ZER1: variants seen among roughly 807,000 people sequenced by gnomAD.
ZER1 encodes the protein zyg-11 related cell cycle regulator.
A neutral mutation model predicts 78.8 loss-of-function variants in ZER1; 11 were observed. The observed-to-expected ratio is 0.14, with a 90% CI of 0.09 to 0.23. The LOEUF (loss-of-function observed/expected upper bound fraction) is 0.23. Among genes scored for constraint, ZER1 ranks in the 10% least tolerant of loss-of-function variants. The pLI, the probability that ZER1 is intolerant of heterozygous loss-of-function variation, is 1.00. For synonymous variants in ZER1, 400 were observed against 407.0 expected (o/e 0.98, Z 0.21); for missense variants, 588 against 996.9 (o/e 0.59, Z 5.52).
chr9:128,767,536 C>T (rs1362331943), intron 1 of ZER1, among the ~76,000 whole-genome samples: 1 of 152,158 alleles, frequency 6.6e-6, no homozygotes, highest in Non-Finnish European at 1.5e-5. Context: ...TGAGCCACCG[C>T]ACCCAGCTGC....
At chr9:128,772,031 G>C (rs941294178), upstream of ZER1, 1 of 152,254 alleles carries the variant, frequency 6.6e-6, no homozygotes, top group African/African-American at 2.4e-5. Flanking sequence ...TCCGGGGACC[G>C]GCGGGCGGCT....
chr9:128,760,925 C>T (rs1196061788), intron 1 of ZER1, among the ~76,000 whole-genome samples: 2 of 151,936 alleles, frequency 1.3e-5, no homozygotes, highest in South Asian at 4.2e-4. Context: ...TTTGGGAGGC[C>T]GAGGCAGGCG....
intron 8 of ZER1, among the ~76,000 whole-genome samples, chr9:128,743,723 GCTTT>G (rs1267393189): frequency 1.3e-5 from 2 of 150,774 alleles, no homozygotes; most frequent in African/African-American, 2.4e-5. Context: ...CCTGGCCCCT[GCTTT>G]CTTTAATTTT....
intron 8 of ZER1, among the ~76,000 whole-genome samples, chr9:128,749,739 T>C (rs1362648726): frequency 6.8e-6 from 1 of 146,218 alleles, no homozygotes; most frequent in Non-Finnish European, 1.5e-5. Context: ...CAAGACTCCA[T>C]CTGAAAAAAA....
rs1251302747 is a variant in ZER1 at position 128,734,178 on chromosome 9, A to G, written c.2141-650T>C. On this transcript the variant is annotated intron_variant, in intron 14 of 15. Coordinates refer to ENST00000291900, the MANE Select transcript of ZER1 (RefSeq NM_006336.4). ...ATATATATATAAAATCTTAAAAAAA[A>G]TATATATATATATATAATAGATATA... Among the ~76,000 whole-genome samples the G allele has an allele frequency of 3.2e-4, 27 of 84,030 alleles. 2 individuals carry two copies. The highest frequency in any genetic ancestry group is 7.6e-5 in the Non-Finnish European group (3 of 39,416). 55.1% of individuals were successfully genotyped at this position (84,030 alleles called of 152,430 possible). A position where few individuals can be genotyped will look rare whatever the true frequency, so the allele number is the denominator to read the frequency against.
intron 8 of ZER1, among the ~76,000 whole-genome samples, chr9:128,749,856 C>T (rs1428579743): frequency 6.6e-6 from 1 of 151,990 alleles, no homozygotes; most frequent in Non-Finnish European, 1.5e-5. Context: ...CCAGCCTGAC[C>T]AATATGGTAA....
Position 128,733,407 on chromosome 9 carries a change from C to T in ZER1, c.2243+19G>A, listed in dbSNP as rs1053395739. The T allele has an allele frequency of 1.9e-5, 31 of 1,611,832 alleles. No individual in the cohort carries two copies. Among genetic ancestry groups the T allele is most frequent in the Non-Finnish European group, 2.5e-5 (30 of 1,178,704 alleles). On this transcript the variant is annotated intron_variant, in intron 15 of 15. Coordinates refer to ENST00000291900, the MANE Select transcript of ZER1 (RefSeq NM_006336.4). ...CCTAAACCAAGGTTCCAGGCAGAAA[C>T]ACACTGCTGGTCTCTTACCGGGCCA...
chr9:128,731,782 C>A (rs991003005), intron 15 of ZER1, among the ~76,000 whole-genome samples: 3 of 152,222 alleles, frequency 2.0e-5, no homozygotes, highest in Non-Finnish European at 4.4e-5. Flanking sequence ...AGAAGTCCAC[C>A]AGTGGTCCCC....
rs776139243 is a variant in ZER1, at chr9:128,753,173, T to C, written c.737A>G (p.His246Arg). Reference protein sequence around the residue: ...DDHIRVIVQLHKLRHLDISRD... With the variant: ...DDHIRVIVQLRKLRHLDISRD... ...TGGGCCAGGAGCTCACCGCAGCTTG[T>C]GCAGCTGCACGATGACCCGGATGTG... Residue 246 changes from histidine (H) to arginine (R), a missense_variant, in exon 4 of 16, where the codon CAC becomes CGC. Around this residue, in one of 3 missense-constraint regions of ZER1, gnomAD observed 406 missense variants for 660.1 expected, o/e 0.62. Coordinates refer to ENST00000291900, the MANE Select transcript of ZER1 (RefSeq NM_006336.4). The surrounding 1 kb of genome is among the most constrained non-coding windows in gnomAD (Gnocchi z 7.5). 3.9e-6 allele frequency: 6 copies of C among 1,544,232 alleles called. No homozygotes were observed. The highest frequency in any genetic ancestry group is 5.3e-6 in the Non-Finnish European group (6 of 1,142,608).
chr9:128,772,100 G>C (rs1056907557), upstream of ZER1, among the ~76,000 whole-genome samples: 1 of 152,208 alleles, frequency 6.6e-6, no homozygotes, highest in African/African-American at 2.4e-5. Flanking sequence ...GCCCCCCCCA[G>C]GCCACCCGAG....
intron 8 of ZER1, among the ~76,000 whole-genome samples, chr9:128,748,870 C>A (rs1293167461): frequency 6.6e-6 from 1 of 150,516 alleles, no homozygotes; most frequent in Non-Finnish European, 1.5e-5. Flanking sequence ...CCGTGGCCAG[C>A]TAATTTTTGT....
At chr9:128,762,712 C>T (rs1033490802) in intron 1 of ZER1, among the ~76,000 whole-genome samples, 1 of 152,214 alleles carries the variant, frequency 6.6e-6, no homozygotes, top group African/African-American at 2.4e-5. Flanking sequence ...CGGGCCTGTG[C>T]TCCCCGGCCT....
intron 1 of ZER1, among the ~76,000 whole-genome samples, chr9:128,768,899 C>T (rs1392083532): frequency 6.6e-6 from 1 of 152,146 alleles, no homozygotes; most frequent in Non-Finnish European, 1.5e-5. Context: ...TCAACACCCT[C>T]ATTTTGCCTA....
chr9:128,772,031 G>GGC (rs1438493704), upstream of ZER1: 1 of 152,254 alleles, frequency 6.6e-6, no homozygotes, highest in Non-Finnish European at 1.5e-5. Context: ...TCCGGGGACC[G>GGC]GCGGGCGGCT....
At chr9:128,760,348 G>A (rs1369425699) in intron 1 of ZER1, among the ~76,000 whole-genome samples, 2 of 151,588 alleles carry the variant, frequency 1.3e-5, no homozygotes, top group South Asian at 4.2e-4. Context: ...GACTACAGGC[G>A]TGTGCCACCA....
intron 1 of ZER1, among the ~76,000 whole-genome samples, chr9:128,758,691 C>T (rs371405020): frequency 2.0e-5 from 3 of 150,466 alleles, no homozygotes. Flanking sequence ...CTGCTTACCC[C>T]CGCCTCCCAA....
intron 9 of ZER1, among the ~76,000 whole-genome samples, chr9:128,742,055 C>T (rs1465232704): frequency 6.6e-6 from 1 of 152,224 alleles, no homozygotes; most frequent in Non-Finnish European, 1.5e-5. Flanking sequence ...GTTCCTGGCC[C>T]TCGGGTGACT....
intron 14 of ZER1, among the ~76,000 whole-genome samples, chr9:128,734,358 A>C (rs1056208826): frequency 1.3e-5 from 2 of 149,082 alleles, no homozygotes; most frequent in Admixed American, 6.8e-5. Flanking sequence ...CATCAAGCCC[A>C]GCTAATTTTT....
At chr9:128,747,171 C>A (rs564879993) in intron 8 of ZER1, among the ~76,000 whole-genome samples, 1 of 151,968 alleles carries the variant, frequency 6.6e-6, no homozygotes, top group Non-Finnish European at 1.5e-5. Flanking sequence ...TACACTCCAG[C>A]CTGAGCAACA....
Sources: allele counts gnomAD v4.1 joint callset (sites outside exome capture counted in the v4.1 genomes callset), GRCh38; gene constraint gnomAD v4.1.1; regional missense constraint gnomAD v4.1.1; non-coding constraint Gnocchi (gnomAD v3.1); transcripts MANE v1.5; gene names NCBI Gene and HGNC (gene_info 2026-07-23, HGNC 2026-07-21).